The following NF1 variants were observed in gnomAD, a reference collection of about 807,000 sequenced individuals.
The protein encoded by NF1 is neurofibromin 1.
In NF1, 122 loss-of-function variants were observed where a neutral mutation model predicts 325.7. That is an observed-to-expected ratio of 0.37 (90% confidence interval 0.32 to 0.44). The LOEUF (loss-of-function observed/expected upper bound fraction) is 0.44. Among genes scored for constraint, NF1 ranks in the 20% least tolerant of loss-of-function variants. The pLI is 1.00. For synonymous variants in NF1, 1,091 were observed against 1,186.0 expected (o/e 0.92, Z 1.65); for missense variants, 2,140 against 3,415.4 (o/e 0.63, Z 9.31).
chr17:31,295,037 A>G (rs760514220), intron 36 of NF1: 1 of 1,614,140 alleles, frequency 6.2e-7, no homozygotes, highest in East Asian at 2.2e-5. Flanking sequence ...CACAACATTG[A>G]GCAATAAGAG....
rs1212510392 is a variant in NF1, at chr17:31,337,479, C to T, written c.6539C>T (p.Ser2180Phe). 2 of 1,614,130 alleles carry T rather than the reference C, an allele frequency of 1.2e-6. No individual in the cohort carries two copies. ...TCAGCTGCTGTCATTGCCTTCCGTT[C>T]CAGTTACCGGGACAGGTCATTCTCT... is the stretch of plus-strand genomic sequence containing the variant. ...VKSAAVIAFR[S>F]SYRDRSFSPG... The change falls in exon 43 of 58, where the codon TCC (serine) becomes TTC (phenylalanine). Residue 2180 changes from serine (S) to phenylalanine (F), a missense_variant. Ser to Phe is a radical substitution (Grantham distance 155). Coordinates refer to ENST00000358273, the MANE Select transcript of NF1 (RefSeq NM_001042492.3).
intron 1 of NF1, among the ~76,000 whole-genome samples, chr17:31,149,937 G>T (rs1916815475): frequency 6.6e-6 from 1 of 152,184 alleles, no homozygotes. Flanking sequence ...TCCAAAGAAA[G>T]AGCTGGACAT....
intron 36 of NF1, chr17:31,296,084 AG>A: frequency 6.2e-7 from 1 of 1,613,472 alleles, no homozygotes; most frequent in Non-Finnish European, 8.5e-7. Context: ...TGAAATGTCC[AG>A]GGTCCTCAGA....
At chr17:31,174,110 G>A (rs1240553174) in intron 5 of NF1, among the ~76,000 whole-genome samples, 1 of 152,118 alleles carries the variant, frequency 6.6e-6, no homozygotes, top group Non-Finnish European at 1.5e-5. Context: ...TCTTTGCCGA[G>A]GGACCATTGC....
intron 35 of NF1, among the ~76,000 whole-genome samples, chr17:31,264,423 A>C (rs2067750305): frequency 6.6e-6 from 1 of 152,074 alleles, no homozygotes; most frequent in African/African-American, 2.4e-5. Context: ...AAAAAAAAAA[A>C]AAATTAAATT....
At chr17:31,157,786 C>G (rs954493120) in intron 2 of NF1, among the ~76,000 whole-genome samples, 1 of 139,592 alleles carries the variant, frequency 7.2e-6, no homozygotes, top group African/African-American at 2.7e-5. Flanking sequence ...GGTGAAACCC[C>G]GTCTCTACTA....
rs2069705362 is a variant in NF1, at chr17:31,337,467, T to C, written c.6527T>C (p.Ile2176Thr). The change falls in exon 43 of 58, where the codon ATT becomes ACT. Residue 2176 changes from isoleucine (I) to threonine (T), a missense_variant. This residue lies in a region of NF1 where 180 missense variants were observed against 435.1 expected (regional missense o/e 0.41). Transcript: ENST00000358273. ...GISKVKSAAV[I>T]AFRSSYRDRS... Reference sequence around the variant, plus strand: ...AGCAAAGTCAAGTCAGCTGCTGTCATTGCCTTCCGTTCCAGTTACCGGGAC... The same window carrying C: ...AGCAAAGTCAAGTCAGCTGCTGTCACTGCCTTCCGTTCCAGTTACCGGGAC... 1 of 1,614,176 alleles carries C rather than the reference T, an allele frequency of 6.2e-7. No individual in the cohort carries two copies.
At position 31,374,582 on chromosome 17, in the gene NF1, T is replaced by C. The variant is rs1393403530; in HGVS notation, c.*427T>C. The stretch of plus-strand genomic sequence containing the variant: ...GTAAAGTGTTAGTCCTATTTATACA[T>C]TTTTCAAGATACAAGTTTATGAGAG... On this transcript the variant is annotated 3_prime_UTR_variant, in exon 58 of 58. Transcript: ENST00000358273. 2 of 307,166 alleles carry C rather than the reference T, an allele frequency of 6.5e-6. No individual in the cohort carries two copies. Among genetic ancestry groups the C allele is most frequent in the Non-Finnish European group, 6.2e-6 (1 of 161,522 alleles). 19.0% of individuals were successfully genotyped at this position (307,166 alleles called of 1,614,324 possible).
At chr17:31,354,542 A>G (rs1216894196) in intron 51 of NF1, among the ~76,000 whole-genome samples, 1 of 152,208 alleles carries the variant, frequency 6.6e-6, no homozygotes, top group East Asian at 1.9e-4. Context: ...GGAGAAGAAC[A>G]TGACCAAATT....
intron 46 of NF1, 39 bp downstream of exon 46, chr17:31,338,844 T>A (rs1294972594): frequency 7.8e-7 from 1 of 1,275,192 alleles, no homozygotes; most frequent in Non-Finnish European, 1.1e-6. Flanking sequence ...TCATTTTGGG[T>A]ATCAGTGTTG....
At position 31,376,866 on chromosome 17, in the gene NF1, A is replaced by G; in HGVS notation, c.*2711A>G. ...AGTTGCCCAGATGGAGATGCAGTTCAGTAGATTTGGGGCAAAGTGGCTACA... is the reference window on the plus strand; with the variant it reads ...AGTTGCCCAGATGGAGATGCAGTTCGGTAGATTTGGGGCAAAGTGGCTACA... On this transcript the variant is annotated 3_prime_UTR_variant, in exon 58 of 58. Transcript: ENST00000358273. 4.3e-6 allele frequency: 1 copy of G among 233,248 alleles called. No individual in the cohort carries two copies. The highest frequency in any genetic ancestry group is 8.5e-6 in the Non-Finnish European group (1 of 118,036). 14.4% of individuals were successfully genotyped at this position (233,248 alleles called of 1,614,324 possible). A position where few individuals can be genotyped will look rare whatever the true frequency, so the allele number is the denominator to read the frequency against.
rs1597735169 is a variant in NF1, at chr17:31,249,071, C to G, written c.4062C>G (p.Ser1354=). The G allele has an allele frequency of 1.2e-6, 2 of 1,614,132 alleles. No homozygotes were observed. Among genetic ancestry groups the G allele is most frequent in the Non-Finnish European group, 1.7e-6 (2 of 1,179,996 alleles). ...EKFFHAIISS[S]SEFPPQLRSV... ...TCTTCCATGCCATCATCAGTTCCTCCTCAGAATTCCCCCCTCAACTTCGAA... is the reference window on the plus strand; with the variant it reads ...TCTTCCATGCCATCATCAGTTCCTCGTCAGAATTCCCCCCTCAACTTCGAA... The change falls in exon 30 of 58, where the codon TCC becomes TCG. Residue 1354 remains serine (S), a synonymous_variant. Transcript: ENST00000358273.
At chr17:31,305,419 T>G in intron 36 of NF1, 1 of 1,614,210 alleles carries the variant, frequency 6.2e-7, no homozygotes, top group Non-Finnish European at 8.5e-7. Context: ...AGAAAAAGTG[T>G]CGCTGAATTG....
At chr17:31,133,655 G>T (rs7214792) in intron 1 of NF1, 1 of 151,928 alleles carries the variant, frequency 6.6e-6, no homozygotes, top group Admixed American at 6.6e-5. Context: ...GTTATTTTGT[G>T]TCTTTTTTTT....
At chr17:31,331,461 T>TA (rs1403269990) in intron 39 of NF1, 1 of 152,106 alleles carries the variant, frequency 6.6e-6, no homozygotes, top group Non-Finnish European at 1.5e-5. Context: ...AAAAGTGCAA[T>TA]AATAGCTAAG....
chr17:31,361,081 C>CAAAAAAAAAA (rs60249232), intron 57 of NF1: 169 of 46,548 alleles, frequency 3.6e-3, no homozygotes, highest in African/African-American at 5.0e-3. Flanking sequence ...CATACTATAT[C>CAAAAAAAAAA]AAAAAAAAAA....
Position 31,336,227 on chromosome 17 carries a change from T to C in NF1, c.6007-106T>C. 1 of 1,255,276 alleles carries C rather than the reference T, an allele frequency of 8.0e-7. No homozygotes were observed. Among genetic ancestry groups the C allele is most frequent in the South Asian group, 1.3e-5 (1 of 75,988 alleles). The allele number at this position is 1,255,276 out of a possible 1,614,324, so 77.8% of individuals were successfully genotyped here. ...AATCTAGTATTTTTGAGGCCTCAGG[T>C]AAAATAGAATTTTCATATTGATTAG... is the stretch of plus-strand genomic sequence containing the variant. On this transcript the variant is annotated intron_variant, in intron 40 of 57. Coordinates refer to ENST00000358273, the MANE Select transcript of NF1 (RefSeq NM_001042492.3). The surrounding 1 kb of genome is among the most constrained non-coding windows in gnomAD (Gnocchi z 5.5).
chr17:31,216,251 G>T (rs2905877), intron 13 of NF1, among the ~76,000 whole-genome samples: 98,491 of 152,024 alleles, frequency 0.65, 32,308 homozygotes, highest in Middle Eastern at 0.81. Flanking sequence ...CACCAATGCC[G>T]TTTCTACTAA....
intron 1 of NF1, among the ~76,000 whole-genome samples, chr17:31,100,210 T>G (rs116963850): frequency 4.6e-5 from 7 of 152,348 alleles, no homozygotes; most frequent in Non-Finnish European, 1.0e-4. Flanking sequence ...TCTCATACAT[T>G]GAGTGTTCAT....
Sources: gnomAD v4.1 joint callset for allele counts (sites outside exome capture counted in the v4.1 genomes callset) on GRCh38, gnomAD v4.1.1 for gene constraint, gnomAD v4.1.1 regional missense constraint, Gnocchi (gnomAD v3.1) non-coding constraint, MANE v1.5 for transcripts, NCBI Gene and HGNC (gene_info 2026-07-23, HGNC 2026-07-21) for gene names.